Variants in DNAI4 observed in about 807,000 individuals in gnomAD.
DNAI4 encodes dynein axonemal intermediate chain 4.
Under a neutral mutation model 105.8 loss-of-function variants are expected in DNAI4, and 85 were observed. The ratio of observed to expected loss-of-function variants is 0.80; its 90% CI spans 0.67 to 0.96. The LOEUF is 0.96. Among genes scored for constraint, DNAI4 ranks in the 40% least tolerant of loss-of-function variants. The pLI is 0.00. For synonymous variants in DNAI4, 352 were observed against 331.5 expected (o/e 1.06, Z -0.67); for missense variants, 1,014 against 1,005.6 (o/e 1.01, Z -0.11).
intron 8 of DNAI4, among the ~76,000 whole-genome samples, chr1:66,845,192 AAAAAAAAAAAAAAAAAAGAAAAATT>A (rs1215464549): frequency 1.3e-4 from 4 of 31,914 alleles, no homozygotes; most frequent in Admixed American, 3.4e-4. Flanking sequence ...CTCCATCTCA[AAAAAAAAAAAAAAAAAAGAAAAATT>A]AAAAAAAAAA....
intron 13 of DNAI4, among the ~76,000 whole-genome samples, chr1:66,831,140 C>T (rs1421039396): frequency 1.3e-5 from 2 of 151,724 alleles, no homozygotes; most frequent in African/African-American, 2.4e-5. Flanking sequence ...CAATAGATAA[C>T]CATAATAACC....
intron 6 of DNAI4, among the ~76,000 whole-genome samples, chr1:66,870,173 G>A (rs1229716382): frequency 1.3e-5 from 2 of 152,228 alleles, no homozygotes; most frequent in Admixed American, 1.3e-4. Flanking sequence ...GCCAGGCGCG[G>A]TGGCTCATGC....
chr1:66,840,341 A>AAAACC (rs1646122679), intron 9 of DNAI4, 128 bp downstream of exon 9: 1 of 862,106 alleles, frequency 1.2e-6, no homozygotes, highest in African/African-American at 1.7e-5. Flanking sequence ...GGGGCATTCT[A>AAAACC]AAACTCAAAG....
chr1:66,827,298 G>A (rs1263250250), intron 14 of DNAI4, among the ~76,000 whole-genome samples: 3 of 151,788 alleles, frequency 2.0e-5, no homozygotes, highest in Non-Finnish European at 2.9e-5. Context: ...AAAATAAAGA[G>A]TATTAAGAAA....
In DNAI4 at chr1:66,924,797, C is replaced by G. The variant is rs774142095; in HGVS notation, c.35G>C (p.Arg12Pro). 2 of 1,614,060 alleles carry G rather than the reference C, an allele frequency of 1.2e-6. No homozygotes were observed. Among genetic ancestry groups the G allele is most frequent in the African/African-American group, 2.7e-5 (2 of 74,944 alleles). ...CCCCCAAGCTCCTCCGTTAGCGGCT[C>G]GGGCCGAGGCTCCGGAATGTTTGCC... ...TPGKHSGASARAANGGAWGYR... is the reference protein window; with the variant it reads ...TPGKHSGASAPAANGGAWGYR... Residue 12 changes from arginine to proline, a missense_variant, in exon 1 of 17, where the codon CGA becomes CCA. Physicochemically the swap from Arg to Pro is moderately radical, Grantham distance 103. Coordinates refer to ENST00000371026, the MANE Select transcript of DNAI4 (RefSeq NM_024763.5).
At chr1:66,825,564 C>T (rs76123947) in intron 15 of DNAI4, among the ~76,000 whole-genome samples, 1,944 of 152,254 alleles carry the variant, frequency 0.013, 34 homozygotes, top group African/African-American at 0.045. Context: ...AGAAGTTTTC[C>T]TAGTCTTCGT....
chr1:66,865,559 G>A (rs1646715572), intron 6 of DNAI4, among the ~76,000 whole-genome samples: 1 of 152,182 alleles, frequency 6.6e-6, no homozygotes, highest in South Asian at 2.1e-4. Context: ...TTACTGATAA[G>A]TCTAATTGAA....
rs1242532119 is a variant in DNAI4, at chr1:66,869,124, T to A, written c.940+2246A>T. On this transcript the variant is annotated intron_variant, in intron 6 of 16. Transcript: ENST00000371026. ...AATAAATCCTAGATATGAATATATA[T>A]ATATATATACATATTCTATTGGTTC... 3.3e-5 allele frequency among the ~76,000 whole-genome samples: 5 copies of A among 150,956 alleles called. No individual in the cohort carries two copies. In the South Asian group the frequency reaches 1.0e-3, roughly 31 times the overall value.
chr1:66,911,817 A>G (rs946379362), intron 1 of DNAI4, among the ~76,000 whole-genome samples: 2 of 128,796 alleles, frequency 1.6e-5, no homozygotes, highest in Non-Finnish European at 3.2e-5. Flanking sequence ...TTCTATTCAA[A>G]GTCATCCCTC....
intron 10 of DNAI4, among the ~76,000 whole-genome samples, chr1:66,836,325 A>G (rs1236729165): frequency 6.7e-6 from 1 of 148,304 alleles, no homozygotes; most frequent in African/African-American, 2.5e-5. Flanking sequence ...AGAAAGAAAG[A>G]AGGAAAGAGG....
intron 6 of DNAI4, among the ~76,000 whole-genome samples, chr1:66,866,525 G>C (rs944833053): frequency 1.3e-5 from 2 of 152,116 alleles, no homozygotes; most frequent in Non-Finnish European, 2.9e-5. Context: ...AGGCTATCTA[G>C]TCATCATCCT....
chr1:66,831,896 G>A (rs1257624128), intron 13 of DNAI4, among the ~76,000 whole-genome samples: 2 of 152,180 alleles, frequency 1.3e-5, no homozygotes, highest in African/African-American at 4.8e-5. Context: ...CAGGACACTA[G>A]ACTAGGTTGT....
chr1:66,877,962 A>T (rs529360257), intron 4 of DNAI4, among the ~76,000 whole-genome samples: 2 of 152,258 alleles, frequency 1.3e-5, no homozygotes, highest in South Asian at 4.1e-4. Flanking sequence ...GATGGTGTTA[A>T]TCTTGGCCAC....
chr1:66,902,725 T>A (rs545110373), intron 2 of DNAI4, among the ~76,000 whole-genome samples: 1 of 152,246 alleles, frequency 6.6e-6, no homozygotes, highest in Non-Finnish European at 1.5e-5. Flanking sequence ...TTGCAGATGG[T>A]ATAAGGTAAG....
chr1:66,840,444 A>G (rs996466883), intron 9 of DNAI4, 25 bp downstream of exon 9: 1 of 1,591,514 alleles, frequency 6.3e-7, no homozygotes, highest in Non-Finnish European at 8.6e-7. Context: ...TAGAAACAGA[A>G]TTGTTCAAAT....
intron 13 of DNAI4, 145 bp downstream of exon 13, chr1:66,833,440 G>GT: frequency 8.7e-6 from 8 of 919,718 alleles, no homozygotes; most frequent in Non-Finnish European, 1.2e-5. Context: ...CCTAGCCCAG[G>GT]CAATCATTTA....
intron 14 of DNAI4, 93 bp downstream of exon 14, chr1:66,827,719 T>C (rs892597688): frequency 9.7e-6 from 6 of 621,316 alleles, no homozygotes; most frequent in Non-Finnish European, 1.3e-5. Context: ...TCTGAAGTTG[T>C]AAATTTATTG....
Position 66,914,887 on chromosome 1 carries a change from A to G in DNAI4, c.171-9512T>C, listed in dbSNP as rs192477435. The stretch of plus-strand genomic sequence containing the variant: ...TAAATCAGGTACTAAAAAGGAAAAG[A>G]CTAGTCAAATGCTTTTTCGAGTTTA... On this transcript the variant is annotated intron_variant, in intron 1 of 16. Transcript: ENST00000371026. Among the ~76,000 whole-genome samples the G allele has an allele frequency of 3.9e-5, 6 of 152,338 alleles. 1 individual carries two copies. The highest frequency in any genetic ancestry group is 2.6e-4 in the Admixed American group (4 of 15,296).
chr1:66,915,665 T>A (rs572068138), intron 1 of DNAI4, among the ~76,000 whole-genome samples: 1 of 152,222 alleles, frequency 6.6e-6, no homozygotes, highest in East Asian at 1.9e-4. Flanking sequence ...TGTATCATTT[T>A]AAAAAAACGG....
Sources: gnomAD v4.1 joint callset for allele counts (sites outside exome capture counted in the v4.1 genomes callset) on GRCh38, gnomAD v4.1.1 for gene constraint, MANE v1.5 for transcripts, NCBI Gene and HGNC (gene_info 2026-07-23, HGNC 2026-07-21) for gene names.